The following ITGBL1 variants were observed in gnomAD, a reference collection of about 807,000 sequenced individuals.
ITGBL1 encodes the protein integrin beta-like protein 1.
A neutral mutation model predicts 68.5 loss-of-function variants in ITGBL1; 51 were observed. The observed-to-expected ratio is 0.74, with a 90% CI of 0.59 to 0.94. ITGBL1 has a LOEUF of 0.94. ITGBL1 is among the 40% of genes least tolerant of loss of function. The probability of loss-of-function intolerance (pLI) is 0.00; values close to 1 mark genes in which losing one functional copy is unlikely to be tolerated. For synonymous variants in ITGBL1, 209 were observed against 227.3 expected (o/e 0.92, Z 0.72); for missense variants, 649 against 647.4 (o/e 1.00, Z -0.03).
At chr13:101,497,827 T>C (rs918352907) in intron 2 of ITGBL1, among the ~76,000 whole-genome samples, 2 of 152,144 alleles carry the variant, frequency 1.3e-5, no homozygotes, top group South Asian at 4.1e-4. Flanking sequence ...GCAAATATTT[T>C]GTCTCTTCTC....
intron 2 of ITGBL1, among the ~76,000 whole-genome samples, chr13:101,508,526 A>G (rs1566707334): frequency 1.3e-5 from 2 of 152,158 alleles, no homozygotes; most frequent in Non-Finnish European, 2.9e-5. Flanking sequence ...CCATTTTATC[A>G]CATCATCACT....
chr13:101,666,288 T>C (rs1300780220), intron 7 of ITGBL1, among the ~76,000 whole-genome samples: 4 of 152,164 alleles, frequency 2.6e-5, no homozygotes, highest in African/African-American at 9.7e-5. Flanking sequence ...TTTTCTGCCC[T>C]GGTGATTCTC....
rs2034697243 is a variant in ITGBL1, at chr13:101,715,839, A to C, written c.*185A>C. 1 of 468,414 alleles carries C rather than the reference A, an allele frequency of 2.1e-6. No homozygotes were observed. Among genetic ancestry groups the C allele is most frequent in the Non-Finnish European group, 3.8e-6 (1 of 261,242 alleles). The allele number at this position is 468,414 out of a possible 1,614,324, so 29.0% of individuals were successfully genotyped here. ...ATGAGTTATGCAAATTTAGATGCAA[A>C]TAACATTAGAAAAAAAAGATTCTTC... On this transcript the variant is annotated 3_prime_UTR_variant, in exon 11 of 11. Transcript: ENST00000376180.
At chr13:101,578,515 G>A (rs7982227) in intron 4 of ITGBL1, among the ~76,000 whole-genome samples, 35,942 of 152,104 alleles carry the variant, frequency 0.24, 4,277 homozygotes, top group African/African-American at 0.27. Context: ...GGATTGCTAG[G>A]TGTGGATGAG....
Position 101,605,644 on chromosome 13 carries a change from G to A in ITGBL1, c.1015+7345G>A, listed in dbSNP as rs1350713583. On this transcript the variant is annotated intron_variant, in intron 7 of 10. Transcript: ENST00000376180. ...TACACGTATGTAGACATGTATGTGT[G>A]TATGCGTATGCACGTATGTAGACAT... Among the ~76,000 whole-genome samples, 7 of 149,282 alleles carry A rather than the reference G, an allele frequency of 4.7e-5. No individual in the cohort carries two copies. In the South Asian group the frequency reaches 1.5e-3, roughly 32 times the overall value.
chr13:101,615,974 G>A (rs912729461), intron 7 of ITGBL1, among the ~76,000 whole-genome samples: 5 of 152,112 alleles, frequency 3.3e-5, no homozygotes, highest in African/African-American at 1.2e-4. Flanking sequence ...GAGCTGCAAA[G>A]CATAGATATC....
intron 2 of ITGBL1, among the ~76,000 whole-genome samples, chr13:101,551,512 G>A (rs959684751): frequency 2.0e-5 from 3 of 152,122 alleles, no homozygotes; most frequent in African/African-American, 7.2e-5. Context: ...GGAGCAAGAT[G>A]GATCAGGAAG....
chr13:101,634,419 A>C (rs917822079), intron 7 of ITGBL1, among the ~76,000 whole-genome samples: 1 of 152,152 alleles, frequency 6.6e-6, no homozygotes, highest in Non-Finnish European at 1.5e-5. Flanking sequence ...CATAGGAGAC[A>C]TAATAAAGGC....
chr13:101,582,698 C>A (rs1417196473), intron 5 of ITGBL1, among the ~76,000 whole-genome samples: 1 of 152,068 alleles, frequency 6.6e-6, no homozygotes, highest in Non-Finnish European at 1.5e-5. Context: ...TCTTGACTTT[C>A]TCTTAGTTCT....
intron 2 of ITGBL1, among the ~76,000 whole-genome samples, chr13:101,471,510 ATGTGTGTGTG>A (rs10634284): frequency 7.5e-6 from 1 of 133,858 alleles, no homozygotes; most frequent in African/African-American, 3.3e-5. Context: ...ACAAATATAT[ATGTGTGTGTG>A]TGTGTGTATG....
At chr13:101,578,093 T>C (rs2050393211) in intron 4 of ITGBL1, among the ~76,000 whole-genome samples, 1 of 152,202 alleles carries the variant, frequency 6.6e-6, no homozygotes, top group Admixed American at 6.5e-5. Flanking sequence ...CAGATGTGTA[T>C]CTTCTTGATG....
chr13:101,625,656 G>A (rs576954452), intron 7 of ITGBL1, among the ~76,000 whole-genome samples: 5 of 151,934 alleles, frequency 3.3e-5, no homozygotes, highest in Non-Finnish European at 5.9e-5. Context: ...GGGTTCAAGC[G>A]ATTCTCCTGC....
intron 2 of ITGBL1, among the ~76,000 whole-genome samples, chr13:101,533,678 A>G (rs553192798): frequency 1.8e-4 from 28 of 152,362 alleles, no homozygotes; most frequent in Admixed American, 1.7e-3. Context: ...TTGGTATGAT[A>G]TTAAACTTTA....
chr13:101,641,682 C>T (rs1337395043), intron 7 of ITGBL1, among the ~76,000 whole-genome samples: 8 of 149,052 alleles, frequency 5.4e-5, no homozygotes, highest in East Asian at 1.9e-4. Flanking sequence ...ATTTAACATT[C>T]GGTATATCTC....
At chr13:101,612,761 A>T (rs1305095934) in intron 7 of ITGBL1, among the ~76,000 whole-genome samples, 4 of 152,024 alleles carry the variant, frequency 2.6e-5, no homozygotes, top group Admixed American at 1.3e-4. Flanking sequence ...TGACAGGGTG[A>T]GCACAGGGCG....
At chr13:101,650,687 A>C (rs1443531902) in intron 7 of ITGBL1, among the ~76,000 whole-genome samples, 1 of 150,520 alleles carries the variant, frequency 6.6e-6, no homozygotes, top group East Asian at 2.0e-4. Flanking sequence ...GGTTTGTTAC[A>C]TAGGTAAACA....
rs533380766 is a variant in ITGBL1 at position 101,530,751 on chromosome 13, T to G, written c.317-36948T>G. ...CACACATTAAATCTTCAATTTTATC[T>G]AATCTAATACACTGATGAGATTTTG... is the stretch of plus-strand genomic sequence containing the variant. On this transcript the variant is annotated intron_variant, in intron 2 of 10. Transcript: ENST00000376180. 2.6e-5 allele frequency among the ~76,000 whole-genome samples: 4 copies of G among 152,362 alleles called. No homozygotes were observed. In the South Asian group the frequency reaches 8.3e-4, roughly 32 times the overall value.
At chr13:101,582,712 T>A (rs1255138173) in intron 5 of ITGBL1, among the ~76,000 whole-genome samples, 1 of 152,180 alleles carries the variant, frequency 6.6e-6, no homozygotes, top group Admixed American at 6.5e-5. Flanking sequence ...TAGTTCTACC[T>A]CCAATGTCTC....
intron 7 of ITGBL1, among the ~76,000 whole-genome samples, chr13:101,633,291 G>C (rs1292031362): frequency 6.6e-6 from 1 of 152,098 alleles, no homozygotes; most frequent in East Asian, 1.9e-4. Context: ...TTGACCTGTT[G>C]ACCTGAGGAG....
Sources: allele counts gnomAD v4.1 joint callset (sites outside exome capture counted in the v4.1 genomes callset), GRCh38; gene constraint gnomAD v4.1.1; transcripts MANE v1.5; gene names NCBI Gene and HGNC (gene_info 2026-07-23, HGNC 2026-07-21).